ABCD4: variants seen among roughly 807,000 people sequenced by gnomAD.
ABCD4 encodes the protein lysosomal cobalamin transporter ABCD4.
Under a neutral mutation model 86.3 loss-of-function variants are expected in ABCD4, and 53 were observed. The observed-to-expected ratio is 0.61, with a 90% CI of 0.49 to 0.77. The LOEUF (loss-of-function observed/expected upper bound fraction) is 0.77, where lower values mean the gene tolerates loss of function less well. ABCD4 is among the 30% of genes least tolerant of loss of function. ABCD4 has a pLI of 0.00. For synonymous variants in ABCD4, 328 were observed against 313.6 expected, an observed-to-expected ratio of 1.05 and a Z score of -0.49; for missense variants, 757 against 764.5, an observed-to-expected ratio of 0.99 and a Z score of 0.12.
rs182471734 is a variant in ABCD4 at position 74,289,567 on chromosome 14, C to G, written c.1420-48G>C. 12 of 1,606,496 alleles carry G rather than the reference C, an allele frequency of 7.5e-6. No homozygotes were observed. The East Asian group carries it at 2.5e-4, about 33-fold the overall frequency. ...CCAACCTAGGAGGGCGAGCAAAAGA[C>G]GGAGCTGCACACAGCCCACCCTCCC... is the stretch of plus-strand genomic sequence containing the variant. On this transcript the variant is annotated intron_variant, in intron 13 of 18. Transcript: ENST00000356924.
In ABCD4 at chr14:74,301,958, C is replaced by A. The variant is rs151062556; in HGVS notation, c.38+917G>T. On this transcript the variant is annotated intron_variant, in intron 1 of 18. Transcript: ENST00000356924. Reference sequence around the variant, plus strand: ...CACGATGGGATACCACCTTACACCCCCCAGACTGATAAACATTACAAAACC... The same window carrying A: ...CACGATGGGATACCACCTTACACCCACCAGACTGATAAACATTACAAAACC... Among the ~76,000 whole-genome samples the A allele has an allele frequency of 8.1e-3, 1,227 of 151,262 alleles. 9 individuals carry two copies. Among genetic ancestry groups the A allele is most frequent in the African/African-American group, 0.028 (1,164 of 41,230 alleles).
At chr14:74,290,530 A>G in intron 11 of ABCD4, 31 bp from the exon 12 acceptor site, 1 of 1,584,970 alleles carries the variant, frequency 6.3e-7, no homozygotes. Flanking sequence ...GGCGTGAGGA[A>G]GATGGGCAGG....
chr14:74,300,281 TG>T lies in ABCD4; in HGVS notation c.39-14del. The T allele has an allele frequency of 6.4e-7, 1 of 1,566,850 alleles. No individual in the cohort carries two copies. The highest frequency in any genetic ancestry group is 8.8e-7 in the Non-Finnish European group (1 of 1,138,258). ...ATCTAACCTGGGCCTGAAGAGAAGG[TG>T]GGGAGGCAGAGAAAAGCCCAAGACA... On this transcript the variant is annotated splice_polypyrimidine_tract_variant and intron_variant, in intron 1 of 18. Transcript: ENST00000356924.
chr14:74,288,615 C>A (rs2080487629), intron 15 of ABCD4, 101 bp downstream of exon 15: 7 of 1,394,252 alleles, frequency 5.0e-6, no homozygotes, highest in Non-Finnish European at 7.0e-6. Context: ...CAGGTTCAGA[C>A]TTCCAGTCCT....
At chr14:74,300,926 C>T (rs528092435) in intron 1 of ABCD4, among the ~76,000 whole-genome samples, 1 of 151,912 alleles carries the variant, frequency 6.6e-6, no homozygotes, top group Non-Finnish European at 1.5e-5. Flanking sequence ...AATCTCGGAT[C>T]ACTGCAACCT....
chr14:74,289,890 T>G (rs1420308536), intron 13 of ABCD4, 137 bp downstream of exon 13: 8 of 1,507,078 alleles, frequency 5.3e-6, no homozygotes, highest in Non-Finnish European at 7.1e-6. Flanking sequence ...GAGCCAGCAG[T>G]TCCCAGGCCC....
intron 11 of ABCD4, among the ~76,000 whole-genome samples, chr14:74,290,894 A>G (rs1037526109): frequency 2.0e-5 from 3 of 151,912 alleles, no homozygotes; most frequent in Admixed American, 1.3e-4. Flanking sequence ...TCTGGTCTCG[A>G]ACTTGTGACC....
In ABCD4 at chr14:74,296,412, G is replaced by A. The variant is rs373322009; in HGVS notation, c.463C>T (p.Arg155Trp). The change falls in exon 5 of 19, where the codon CGG becomes TGG. Residue 155 changes from arginine (R) to tryptophan (W), a missense_variant. Arg to Trp is a moderately radical substitution (Grantham distance 101). Transcript: ENST00000356924. ...RISQDVERFCRQLSSMASKLI... is the reference protein window; with the variant it reads ...RISQDVERFCWQLSSMASKLI... ...TTGCTGGCCATGCTGCTGAGCTGCC[G>A]GCAGAATCGCTCCACGTCCTGGCTG... 47 of 1,614,104 alleles carry A rather than the reference G, an allele frequency of 2.9e-5. No individual in the cohort carries two copies. The highest frequency in any genetic ancestry group is 2.7e-4 in the East Asian group (12 of 44,872).
intron 12 of ABCD4, 76 bp from the exon 13 acceptor site, chr14:74,290,194 C>A: frequency 6.2e-7 from 1 of 1,610,730 alleles, no homozygotes; most frequent in African/African-American, 1.3e-5. Flanking sequence ...TTCCTTGTTC[C>A]CCAACAGAAA....
At chr14:74,291,356 G>A (rs2081443654) in intron 11 of ABCD4, among the ~76,000 whole-genome samples, 1 of 152,210 alleles carries the variant, frequency 6.6e-6, no homozygotes, top group African/African-American at 2.4e-5. Context: ...TAATGCCCAT[G>A]AGTCTCAAAT....
rs1043426774 is a variant in ABCD4 at position 74,290,232 on chromosome 14, C to T, written c.1327+59G>A. The T allele has an allele frequency of 3.7e-6, 6 of 1,612,234 alleles. No homozygotes were observed. In the African/African-American group the frequency reaches 8.0e-5, roughly 22 times the overall value. ...AATGGATTCTACCACACCGTCCCCGCCTTCACCCCACCCCTAGGGCCCAGG... is the reference window on the plus strand; with the variant it reads ...AATGGATTCTACCACACCGTCCCCGTCTTCACCCCACCCCTAGGGCCCAGG... On this transcript the variant is annotated intron_variant, in intron 12 of 18. Coordinates refer to ENST00000356924, the MANE Select transcript of ABCD4 (RefSeq NM_005050.4).
chr14:74,289,909 TCAC>T, intron 13 of ABCD4, 115 bp downstream of exon 13: 9 of 1,552,990 alleles, frequency 5.8e-6, no homozygotes, highest in Non-Finnish European at 7.8e-6. Flanking sequence ...CCGGGCCACT[TCAC>T]CACCTCACCT....
chr14:74,289,932 A>T, intron 13 of ABCD4, 95 bp downstream of exon 13: 3 of 1,582,474 alleles, frequency 1.9e-6, no homozygotes, highest in Non-Finnish European at 2.6e-6. Flanking sequence ...TTTTGCCCTG[A>T]CTCTAGGACC....
chr14:74,292,190 C>T (rs1481819087), intron 11 of ABCD4, 97 bp downstream of exon 11: 6 of 1,141,368 alleles, frequency 5.3e-6, no homozygotes, highest in South Asian at 1.3e-5. Flanking sequence ...TACAACTCTG[C>T]TGCCCAGCTG....
In ABCD4 at chr14:74,299,675, TC is replaced by T; in HGVS notation, c.158-1del. 1 of 1,611,522 alleles carries T rather than the reference TC, an allele frequency of 6.2e-7. No homozygotes were observed. The highest frequency in any genetic ancestry group is 8.5e-7 in the Non-Finnish European group (1 of 1,178,724). ...GCCAACCTGGTAGATCACAAATTGC[TC>T]TGAAAGGAGGGAGAGGAGTAAGAAA... On this transcript the variant is annotated splice_acceptor_variant, in intron 2 of 18. Coordinates refer to ENST00000356924, the MANE Select transcript of ABCD4 (RefSeq NM_005050.4). LOFTEE classifies it high-confidence loss of function.
In ABCD4 at chr14:74,292,864, T is replaced by C; in HGVS notation, c.820A>G (p.Ile274Val). Residue 274 changes from isoleucine (I) to valine (V), a missense_variant, in exon 9 of 19, where the codon ATC becomes GTC. By Grantham distance (29) the Ile-to-Val change is conservative. Coordinates refer to ENST00000356924, the MANE Select transcript of ABCD4 (RefSeq NM_005050.4). ...CTGCCCAGATAGTCAAAGGTGTTGA[T>C]GCCGACTGTAGAAAACACATCTGTG... ...MSKELWLYIG[I>V]NTFDYLGSIL... 6.2e-7 allele frequency: 1 copy of C among 1,614,190 alleles called. No individual in the cohort carries two copies. Among genetic ancestry groups the C allele is most frequent in the Non-Finnish European group, 8.5e-7 (1 of 1,180,042 alleles).
In ABCD4 at chr14:74,285,485, A is replaced by G. The variant is rs1008795085; in HGVS notation, c.*976T>C. 2 of 150,572 alleles carry G rather than the reference A, an allele frequency of 1.3e-5. No homozygotes were observed. Among genetic ancestry groups the G allele is most frequent in the Non-Finnish European group, 2.9e-5 (2 of 68,028 alleles). The allele number at this position is 150,572 out of a possible 1,614,324, so 9.3% of individuals were successfully genotyped here. On this transcript the variant is annotated 3_prime_UTR_variant, in exon 19 of 19. Transcript: ENST00000356924. The stretch of plus-strand genomic sequence containing the variant: ...TATGTTAAGTGTAAAATTTCACTTA[A>G]AAATCCATTTAAACTTAAAAGGTTT...
Position 74,290,385 on chromosome 14 carries a change from G to A in ABCD4, c.1233C>T (p.Ile411=). The change falls in exon 12 of 19, where the codon ATC becomes ATT. Residue 411 remains isoleucine (I), a synonymous_variant. Coordinates refer to ENST00000356924, the MANE Select transcript of ABCD4 (RefSeq NM_005050.4). ...KPLIKDLSLK[I]SEGQSLLITG... is the part of the protein sequence containing the mutation. The stretch of plus-strand genomic sequence containing the variant: ...TGATGAGCAGGCTCTGTCCCTCGGA[G>A]ATCTTTAGGCTCAGATCCTTGATTA... 2 of 1,614,164 alleles carry A rather than the reference G, an allele frequency of 1.2e-6. No individual in the cohort carries two copies. The highest frequency in any genetic ancestry group is 2.2e-5 in the South Asian group (2 of 91,080).
rs538414613 is a variant in ABCD4 at position 74,296,257 on chromosome 14, T to C, written c.542+76A>G. 9.0e-6 allele frequency: 13 copies of C among 1,445,202 alleles called. No individual in the cohort carries two copies. The Admixed American group carries it at 1.0e-4, about 11-fold the overall frequency. 89.5% of individuals were successfully genotyped at this position (1,445,202 alleles called of 1,614,324 possible). A position where few individuals can be genotyped will look rare whatever the true frequency, so the allele number is the denominator to read the frequency against. ...GTGGGAGAGAGGGGAAATAAGCTTC[T>C]CTTGGACCTTGACCTGGGAGAGCTG... On this transcript the variant is annotated intron_variant, in intron 5 of 18. Coordinates refer to ENST00000356924, the MANE Select transcript of ABCD4 (RefSeq NM_005050.4).
Sources: allele counts gnomAD v4.1 joint callset (sites outside exome capture counted in the v4.1 genomes callset), GRCh38; gene constraint gnomAD v4.1.1; transcripts MANE v1.5; gene names NCBI Gene and HGNC (gene_info 2026-07-23, HGNC 2026-07-21).